PIBF1: variants seen among roughly 807,000 people sequenced by gnomAD.
The protein encoded by PIBF1 is progesterone-induced-blocking factor 1.
Under a neutral mutation model 112.5 loss-of-function variants are expected in PIBF1, and 90 were observed. The observed-to-expected ratio is 0.80, with a 90% CI of 0.67 to 0.95. The LOEUF is 0.95. Among genes scored for constraint, PIBF1 ranks in the 40% least tolerant of loss-of-function variants. The probability of loss-of-function intolerance (pLI) is 0.00; values close to 1 mark genes in which losing one functional copy is unlikely to be tolerated. For missense variants in PIBF1, 915 were observed against 852.3 expected (o/e 1.07, Z -0.92); for synonymous variants, 301 against 288.6 (o/e 1.04, Z -0.44).
chr13:72,893,379 T>C (rs2040136335), intron 10 of PIBF1, among the ~76,000 whole-genome samples: 1 of 152,140 alleles, frequency 6.6e-6, no homozygotes, highest in East Asian at 1.9e-4. Flanking sequence ...CATATTTCAT[T>C]GCTTTCTTCT....
intron 5 of PIBF1, among the ~76,000 whole-genome samples, chr13:72,818,810 A>G (rs1200947131): frequency 2.0e-5 from 3 of 151,550 alleles, no homozygotes; most frequent in Non-Finnish European, 4.4e-5. Context: ...TCACACAAGC[A>G]GTAACAAGCA....
At chr13:72,939,738 G>A (rs1054747212) in intron 14 of PIBF1, among the ~76,000 whole-genome samples, 1 of 152,062 alleles carries the variant, frequency 6.6e-6, no homozygotes, top group Admixed American at 6.6e-5. Flanking sequence ...TTTCTTTTAA[G>A]TGTATACCTG....
chr13:72,855,866 A>G (rs1252491515), intron 10 of PIBF1, among the ~76,000 whole-genome samples: 1 of 152,132 alleles, frequency 6.6e-6, no homozygotes, highest in African/African-American at 2.4e-5. Flanking sequence ...AGGGATGTAT[A>G]TTTTTAGGGA....
At chr13:72,951,381 A>T (rs1467611384) in intron 14 of PIBF1, among the ~76,000 whole-genome samples, 3 of 152,168 alleles carry the variant, frequency 2.0e-5, no homozygotes, top group African/African-American at 7.2e-5. Flanking sequence ...AAGTTTTTTA[A>T]CTTCTTTGGT....
At chr13:72,794,531 G>A (rs1321322702) in intron 3 of PIBF1, among the ~76,000 whole-genome samples, 3 of 152,154 alleles carry the variant, frequency 2.0e-5, no homozygotes, top group Non-Finnish European at 4.4e-5. Flanking sequence ...ATTCCTACAT[G>A]TCATGGGAGG....
At chr13:72,942,328 C>T (rs1412659204) in intron 14 of PIBF1, among the ~76,000 whole-genome samples, 1 of 149,536 alleles carries the variant, frequency 6.7e-6, no homozygotes, top group Non-Finnish European at 1.5e-5. Flanking sequence ...GAGGATGCTG[C>T]TGATTAAACT....
At chr13:72,978,110 G>A (rs2043068473) in intron 16 of PIBF1, among the ~76,000 whole-genome samples, 1 of 152,112 alleles carries the variant, frequency 6.6e-6, no homozygotes, top group Admixed American at 6.5e-5. Flanking sequence ...CCTATATTCA[G>A]TAAAATGTTC....
intron 5 of PIBF1, among the ~76,000 whole-genome samples, chr13:72,812,812 A>T (rs1193961858): frequency 6.6e-6 from 1 of 151,666 alleles, no homozygotes; most frequent in African/African-American, 2.4e-5. Context: ...ACAAAAACTT[A>T]GCCAGGTGTC....
intron 17 of PIBF1, among the ~76,000 whole-genome samples, chr13:73,006,111 G>A (rs554484827): frequency 1.6e-4 from 24 of 151,920 alleles, no homozygotes; most frequent in Non-Finnish European, 3.2e-4. Context: ...TAAAGACGGG[G>A]TTTCACCATA....
In PIBF1 at chr13:72,797,895, AT is replaced by A. The variant is rs1257974691; in HGVS notation, c.553-5del. ...GGATTTAAGACTGCTTATTAATTTA[AT>A]TTTTTTCAAGGTTCGCTTCTATGAG... On this transcript the variant is annotated splice_polypyrimidine_tract_variant and intron_variant, in intron 4 of 17. Transcript: ENST00000326291. 8.9e-6 allele frequency: 14 copies of A among 1,575,182 alleles called. No individual in the cohort carries two copies. The highest frequency in any genetic ancestry group is 1.4e-5 in the African/African-American group (1 of 72,572).
At chr13:72,963,148 AG>A (rs2042650862) in intron 14 of PIBF1, among the ~76,000 whole-genome samples, 1 of 152,238 alleles carries the variant, frequency 6.6e-6, no homozygotes, top group African/African-American at 2.4e-5. Flanking sequence ...ACTGGATCAG[AG>A]ACCTAAATTT....
chr13:72,900,225 C>A (rs1396285577), intron 11 of PIBF1, among the ~76,000 whole-genome samples: 1 of 152,126 alleles, frequency 6.6e-6, no homozygotes, highest in African/African-American at 2.4e-5. Context: ...ATACCACCAT[C>A]ATTCTTCCCA....
chr13:72,928,018 T>TATATATATATAC (rs1566458558), intron 13 of PIBF1, among the ~76,000 whole-genome samples: 6 of 61,088 alleles, frequency 9.8e-5, no homozygotes, highest in African/African-American at 4.2e-4. Context: ...TATATATACA[T>TATATATATATAC]ATATATACAT....
intron 15 of PIBF1, among the ~76,000 whole-genome samples, chr13:72,972,678 T>A (rs1488418869): frequency 1.4e-5 from 2 of 147,336 alleles, no homozygotes; most frequent in Non-Finnish European, 3.0e-5. Context: ...AAAAAAAAAA[T>A]GTTTTTACCT....
At chr13:72,996,901 A>T (rs1295328929) in intron 16 of PIBF1, among the ~76,000 whole-genome samples, 1 of 152,232 alleles carries the variant, frequency 6.6e-6, no homozygotes, top group African/African-American at 2.4e-5. Flanking sequence ...CTGTAGCTGT[A>T]TTATCCTAAT....
chr13:73,001,582 C>CTTGTTTTTTTTTTT (rs2043867684), intron 17 of PIBF1, among the ~76,000 whole-genome samples: 1 of 29,156 alleles, frequency 3.4e-5, no homozygotes, highest in African/African-American at 8.3e-5. Context: ...AAGAGCTTGA[C>CTTGTTTTTTTTTTT]TTTTTTTTTT....
At chr13:72,958,523 G>A (rs954524501) in intron 14 of PIBF1, among the ~76,000 whole-genome samples, 4 of 152,010 alleles carry the variant, frequency 2.6e-5, no homozygotes, top group Non-Finnish European at 4.4e-5. Context: ...CCATGTCCTT[G>A]CTTTAATTAT....
Position 72,990,787 on chromosome 13 carries a change from G to A in PIBF1, c.2050-8035G>A, listed in dbSNP as rs145573279. Reference sequence around the variant, plus strand: ...CGTTTGAACCCGGGAGGTGGAGGTTGCAGTGAGCCAAGATCATGCCACTGC... The same window carrying A: ...CGTTTGAACCCGGGAGGTGGAGGTTACAGTGAGCCAAGATCATGCCACTGC... On this transcript the variant is annotated intron_variant, in intron 16 of 17. Transcript: ENST00000326291. Among the ~76,000 whole-genome samples, 1,156 of 152,214 alleles carry A rather than the reference G, an allele frequency of 7.6e-3. 14 individuals are homozygous for A. The highest frequency in any genetic ancestry group is 0.014 in the Middle Eastern group (4 of 294).
At chr13:72,788,926 C>T (rs2034748042) in intron 2 of PIBF1, among the ~76,000 whole-genome samples, 1 of 152,170 alleles carries the variant, frequency 6.6e-6, no homozygotes, top group Non-Finnish European at 1.5e-5. Context: ...TAGTTTGTTA[C>T]TAGGAATAGT....
Sources: allele counts gnomAD v4.1 joint callset (sites outside exome capture counted in the v4.1 genomes callset), GRCh38; gene constraint gnomAD v4.1.1; transcripts MANE v1.5; gene names NCBI Gene and HGNC (gene_info 2026-07-23, HGNC 2026-07-21).